The following CSMD1 variants were observed in gnomAD, a reference collection of about 807,000 sequenced individuals.
The protein encoded by CSMD1 is CUB and sushi domain-containing protein 1.
CSMD1 carries 213 observed loss-of-function variants against 417.5 expected under a neutral mutation model. The ratio of observed to expected loss-of-function variants is 0.51; its 90% CI spans 0.46 to 0.57. The LOEUF is 0.57. Ranked by LOEUF, CSMD1 falls within the 20% of genes least tolerant of loss-of-function variation. CSMD1 has a pLI of 0.00. For missense variants in CSMD1, 6,923 were observed against 4,529.7 expected, an observed-to-expected ratio of 1.53 and a Z score of -15.17; for synonymous variants, 2,862 against 1,736.8, an observed-to-expected ratio of 1.65 and a Z score of -16.11.
chr8:3,358,666 C>T (rs193033175), intron 21 of CSMD1, among the ~76,000 whole-genome samples: 2 of 152,298 alleles, frequency 1.3e-5, no homozygotes, highest in African/African-American at 2.4e-5. Context: ...TCAGATGCCT[C>T]TTGTGCCCAC....
At chr8:4,444,671 C>T (rs1030458754) in intron 2 of CSMD1, among the ~76,000 whole-genome samples, 2 of 152,138 alleles carry the variant, frequency 1.3e-5, no homozygotes, top group African/African-American at 4.8e-5. Flanking sequence ...ATTGTGATGA[C>T]ATGTTGAAAA....
At chr8:3,406,296 C>T (rs1268190382) in intron 14 of CSMD1, 75 bp from the exon 15 acceptor site, 1 of 1,234,470 alleles carries the variant, frequency 8.1e-7, no homozygotes, top group African/African-American at 1.5e-5. Context: ...AAGAAGAAAA[C>T]AGAACAAGCT....
At chr8:3,875,410 G>A (rs1417639968) in intron 5 of CSMD1, among the ~76,000 whole-genome samples, 1 of 152,168 alleles carries the variant, frequency 6.6e-6, no homozygotes. Context: ...TGAAGTTATG[G>A]ATTGGAGGAG....
At chr8:3,410,506 G>A (rs1585122150) in intron 12 of CSMD1, among the ~76,000 whole-genome samples, 1 of 152,258 alleles carries the variant, frequency 6.6e-6, no homozygotes, top group Non-Finnish European at 1.5e-5. Flanking sequence ...AGGTCTGATG[G>A]TTTTCTAAGG....
chr8:3,629,496 T>C (rs971443023), intron 7 of CSMD1, among the ~76,000 whole-genome samples: 39 of 152,302 alleles, frequency 2.6e-4, no homozygotes, highest in African/African-American at 9.1e-4. Flanking sequence ...ACACCTAGCA[T>C]TGCTCAATAA....
At chr8:3,858,363 C>T (rs1398168899) in intron 5 of CSMD1, among the ~76,000 whole-genome samples, 1 of 152,092 alleles carries the variant, frequency 6.6e-6, no homozygotes, top group Non-Finnish European at 1.5e-5. Flanking sequence ...TCATGCTTGA[C>T]CTTGGTTTTA....
At chr8:4,786,974 T>C (rs143718910) in intron 1 of CSMD1, among the ~76,000 whole-genome samples, 107 of 152,314 alleles carry the variant, frequency 7.0e-4, no homozygotes, top group African/African-American at 2.3e-3. Context: ...ATTGTTGGTA[T>C]ACTAACTGAA....
At chr8:3,368,524 A>G (rs942167010) in intron 19 of CSMD1, among the ~76,000 whole-genome samples, 2 of 152,118 alleles carry the variant, frequency 1.3e-5, no homozygotes, top group Non-Finnish European at 2.9e-5. Context: ...TTTTTAGTAG[A>G]GACAAGGTTC....
chr8:3,083,589 C>T (rs1381822231), intron 49 of CSMD1, among the ~76,000 whole-genome samples: 2 of 122,262 alleles, frequency 1.6e-5, no homozygotes, highest in African/African-American at 3.2e-5. Context: ...TCTCCATCCA[C>T]GGTGACAGTT....
At chr8:4,938,583 C>A (rs941963328) in intron 1 of CSMD1, among the ~76,000 whole-genome samples, 2 of 152,232 alleles carry the variant, frequency 1.3e-5, no homozygotes, top group Middle Eastern at 3.4e-3. Context: ...TCAGTCTTAT[C>A]GGGAAAACGC....
intron 4 of CSMD1, among the ~76,000 whole-genome samples, chr8:4,020,448 T>C (rs972994600): frequency 3.9e-5 from 6 of 152,200 alleles, no homozygotes; most frequent in Admixed American, 6.5e-5. Context: ...ATTGATATTA[T>C]AGGATAGGGC....
chr8:3,623,069 G>T (rs1479109395), intron 7 of CSMD1, among the ~76,000 whole-genome samples: 1 of 152,060 alleles, frequency 6.6e-6, no homozygotes, highest in Non-Finnish European at 1.5e-5. Flanking sequence ...TCAATAGATT[G>T]GTTCATTACA....
At chr8:3,081,680 T>G (rs1308056023) in intron 49 of CSMD1, among the ~76,000 whole-genome samples, 3 of 152,236 alleles carry the variant, frequency 2.0e-5, no homozygotes, top group Non-Finnish European at 4.4e-5. Context: ...AACTGTTATT[T>G]ATTTTGTGGT....
intron 3 of CSMD1, among the ~76,000 whole-genome samples, chr8:4,077,054 C>G (rs1298936507): frequency 6.6e-6 from 1 of 151,804 alleles, no homozygotes; most frequent in Admixed American, 6.6e-5. Context: ...GGTATCTAAC[C>G]CTTATTCTCA....
At chr8:3,951,990 C>G (rs1043214403) in intron 5 of CSMD1, among the ~76,000 whole-genome samples, 35 of 152,094 alleles carry the variant, frequency 2.3e-4, no homozygotes, top group African/African-American at 8.2e-4. Context: ...CCTGATTACA[C>G]TTGGAACAAC....
At chr8:4,433,177 G>C (rs1797967344) in intron 2 of CSMD1, among the ~76,000 whole-genome samples, 2 of 152,116 alleles carry the variant, frequency 1.3e-5, no homozygotes, top group Non-Finnish European at 1.5e-5. Flanking sequence ...ATTATGGCGA[G>C]TTGTATAACT....
chr8:4,552,257 G>A (rs2130569554), intron 2 of CSMD1, among the ~76,000 whole-genome samples: 1 of 152,180 alleles, frequency 6.6e-6, no homozygotes, highest in African/African-American at 2.4e-5. Flanking sequence ...CTCATCTGCT[G>A]TGTTTCTGCT....
chr8:3,470,386 G>A (rs1457384069), intron 11 of CSMD1, among the ~76,000 whole-genome samples: 1 of 152,016 alleles, frequency 6.6e-6, no homozygotes, highest in East Asian at 1.9e-4. Flanking sequence ...CATGTGGTAG[G>A]TAGTACAAAA....
chr8:3,596,726 C>G (rs1323655670), intron 8 of CSMD1, among the ~76,000 whole-genome samples: 6 of 152,062 alleles, frequency 3.9e-5, no homozygotes, highest in Non-Finnish European at 7.4e-5. Context: ...AAACAAGAGC[C>G]AGGAGGGTGG....
Sources: allele counts gnomAD v4.1 joint callset (sites outside exome capture counted in the v4.1 genomes callset), GRCh38; gene constraint gnomAD v4.1.1; transcripts MANE v1.5; gene names NCBI Gene and HGNC (gene_info 2026-07-23, HGNC 2026-07-21).